Variants in GLIS3 observed in about 807,000 individuals in gnomAD.
GLIS3 encodes the protein zinc finger protein GLIS3.
In GLIS3, 53 loss-of-function variants were observed where a neutral mutation model predicts 78.6. The observed-to-expected ratio is 0.67, with a 90% CI of 0.54 to 0.85. The LOEUF is 0.85. Ranked by LOEUF, GLIS3 falls within the 40% of genes least tolerant of loss-of-function variation. GLIS3 has a pLI of 0.00. For missense variants in GLIS3, 1,703 were observed against 1,231.1 expected (o/e 1.38, Z -5.74); for synonymous variants, 684 against 509.9 (o/e 1.34, Z -4.60).
chr9:3,824,167 A>T lies in GLIS3; in HGVS notation c.*4105T>A, dbSNP rs1817603946. On this transcript the variant is annotated 3_prime_UTR_variant, in exon 11 of 11. Transcript: ENST00000381971. ...CTTTAATTAAATCTGATGAAATAAA[A>T]CTTCATGTTTTATTTATGGACACTC... The T allele has an allele frequency of 6.6e-6, 1 of 152,642 alleles. No homozygotes were observed. The highest frequency in any genetic ancestry group is 2.4e-5 in the African/African-American group (1 of 41,450). The allele number at this position is 152,642 out of a possible 1,614,324, so 9.5% of individuals were successfully genotyped here.
intron 2 of GLIS3, among the ~76,000 whole-genome samples, chr9:4,128,490 A>G (rs755740486): frequency 6.6e-6 from 1 of 152,244 alleles, no homozygotes; most frequent in Non-Finnish European, 1.5e-5. Context: ...TGAAATTAGA[A>G]TGAATGAAAG....
At chr9:4,248,069 C>A (rs1489919911) in intron 2 of GLIS3, among the ~76,000 whole-genome samples, 1 of 152,080 alleles carries the variant, frequency 6.6e-6, no homozygotes. Flanking sequence ...TCTCTGAGAA[C>A]CATTATTCTT....
At chr9:4,191,928 C>G (rs1217121420) in intron 2 of GLIS3, among the ~76,000 whole-genome samples, 1 of 151,498 alleles carries the variant, frequency 6.6e-6, no homozygotes, top group African/African-American at 2.4e-5. Context: ...TTAGATAAAC[C>G]AAAATTTTGT....
chr9:4,489,779 C>A, the GLIS3 span, among the ~76,000 whole-genome samples: 1 of 152,186 alleles, frequency 6.6e-6, no homozygotes, highest in Non-Finnish European at 1.5e-5. Context: ...AGAGCAAGTC[C>A]CAAGGAGCAG....
chr9:4,344,289 A>G (rs1477015717), intron 2 of GLIS3, among the ~76,000 whole-genome samples: 1 of 152,210 alleles, frequency 6.6e-6, no homozygotes, highest in East Asian at 1.9e-4. Flanking sequence ...CTTCAAGGCC[A>G]CTAATGACCT....
intron 4 of GLIS3, among the ~76,000 whole-genome samples, chr9:4,095,968 C>G (rs1478145075): frequency 6.9e-6 from 1 of 145,458 alleles, no homozygotes; most frequent in African/African-American, 2.6e-5. Flanking sequence ...AAATGGGCTC[C>G]TTGCTCTTTG....
intron 2 of GLIS3, among the ~76,000 whole-genome samples, chr9:4,159,033 G>GAAAAA (rs1315271767): frequency 1.1e-5 from 1 of 87,676 alleles, no homozygotes; most frequent in African/African-American, 4.0e-5. Flanking sequence ...AGGAGAAGAA[G>GAAAAA]AAAAAAAAAA....
chr9:4,438,305 T>C, the GLIS3 span, among the ~76,000 whole-genome samples: 1 of 152,208 alleles, frequency 6.6e-6, no homozygotes, highest in African/African-American at 2.4e-5. Context: ...ACATATGTAA[T>C]ATCTAAAGAA....
the GLIS3 span, among the ~76,000 whole-genome samples, chr9:4,440,156 C>A: frequency 6.6e-6 from 1 of 152,130 alleles, no homozygotes; most frequent in Non-Finnish European, 1.5e-5. Context: ...CTTTACTCTG[C>A]TAATTGTTTC....
the GLIS3 span, among the ~76,000 whole-genome samples, chr9:4,393,303 T>C: frequency 6.6e-6 from 1 of 152,186 alleles, no homozygotes; most frequent in Non-Finnish European, 1.5e-5. Flanking sequence ...CCTAAGTCAT[T>C]TGAGAGTAAG....
intron 4 of GLIS3, among the ~76,000 whole-genome samples, chr9:4,010,702 C>T (rs1367962474): frequency 2.0e-5 from 3 of 152,178 alleles, no homozygotes; most frequent in African/African-American, 7.2e-5. Flanking sequence ...TCCTAATCTT[C>T]AGAAAGCCAG....
intron 2 of GLIS3, among the ~76,000 whole-genome samples, chr9:4,342,295 AATC>A (rs564638388): frequency 5.3e-5 from 8 of 152,184 alleles, no homozygotes; most frequent in Non-Finnish European, 1.2e-4. Flanking sequence ...ATCCAGGTTC[AATC>A]TTCTGCACGC....
chr9:3,828,201 T>G lies in GLIS3; in HGVS notation c.*71A>C. ...CTGACATCCTTCCTCAAGCAGTCTG[T>G]GAGAGTACGAAAACAAAAGGTGGCA... On this transcript the variant is annotated 3_prime_UTR_variant, in exon 11 of 11. Coordinates refer to ENST00000381971, the MANE Select transcript of GLIS3 (RefSeq NM_001042413.2). The G allele has an allele frequency of 4.6e-5, 72 of 1,574,122 alleles. No homozygotes were observed. Among genetic ancestry groups the G allele is most frequent in the Non-Finnish European group, 5.9e-5 (68 of 1,145,880 alleles).
upstream of GLIS3, among the ~76,000 whole-genome samples, chr9:4,302,240 A>T (rs563916470): frequency 5.3e-5 from 8 of 152,272 alleles, no homozygotes; most frequent in South Asian, 1.0e-3. Context: ...CGTGCTTAGG[A>T]ATCATACTCT....
At chr9:3,845,006 C>T (rs2130113646) in intron 9 of GLIS3, among the ~76,000 whole-genome samples, 1 of 152,178 alleles carries the variant, frequency 6.6e-6, no homozygotes, top group Non-Finnish European at 1.5e-5. Context: ...AAATGTGCAA[C>T]TCAGTAATCC....
intron 2 of GLIS3, among the ~76,000 whole-genome samples, chr9:4,311,957 G>C (rs970291556): frequency 4.0e-5 from 6 of 149,532 alleles, no homozygotes; most frequent in African/African-American, 1.5e-4. Context: ...ACAGAGAGAA[G>C]AACTACAGAC....
rs562065023 is a variant in GLIS3 at position 4,166,195 on chromosome 9, C to T, written c.389-40254G>A. ...GACACAGTGTCGGGCTCATATTAAG[C>T]ATCCAAAAACTGTTAGCTATAATCA... On this transcript the variant is annotated intron_variant, in intron 2 of 10. Transcript: ENST00000381971. Among the ~76,000 whole-genome samples, 8 of 152,296 alleles carry T rather than the reference C, an allele frequency of 5.3e-5. No homozygotes were observed. In the East Asian group the frequency reaches 1.5e-3, roughly 29 times the overall value.
chr9:4,277,721 T>C (rs10758590), intron 2 of GLIS3, among the ~76,000 whole-genome samples: 80,328 of 152,106 alleles, frequency 0.53, 22,950 homozygotes, highest in East Asian at 0.71. Context: ...CAATTATATA[T>C]TCCTCCGGGT....
chr9:3,839,650 C>T (rs1228924633), intron 9 of GLIS3, among the ~76,000 whole-genome samples: 1 of 151,544 alleles, frequency 6.6e-6, no homozygotes, highest in African/African-American at 2.4e-5. Context: ...TACCATGTTT[C>T]AGAACCAGGA....
Sources: allele counts gnomAD v4.1 joint callset (sites outside exome capture counted in the v4.1 genomes callset), GRCh38; gene constraint gnomAD v4.1.1; transcripts MANE v1.5; gene names NCBI Gene and HGNC (gene_info 2026-07-23, HGNC 2026-07-21).